The following PRICKLE2 variants were observed in gnomAD, a reference collection of about 807,000 sequenced individuals.
The protein encoded by PRICKLE2 is prickle planar cell polarity protein 2, also known as prickle-like protein 2.
Under a neutral mutation model 81.4 loss-of-function variants are expected in PRICKLE2, and 21 were observed. The ratio of observed to expected loss-of-function variants is 0.26; its 90% CI spans 0.18 to 0.37. PRICKLE2 has a LOEUF of 0.37. PRICKLE2 is among the 10% of genes least tolerant of loss of function. PRICKLE2 has a pLI of 1.00. For missense variants in PRICKLE2, 940 were observed against 1,109.0 expected (o/e 0.85, Z 2.16); for synonymous variants, 456 against 421.5 (o/e 1.08, Z -1.00).
intron 2 of PRICKLE2, among the ~76,000 whole-genome samples, chr3:64,197,427 T>C (rs2078476586): frequency 6.6e-6 from 1 of 152,204 alleles, no homozygotes; most frequent in African/African-American, 2.4e-5. Context: ...TTGCCCACTT[T>C]TTAATGGGAT....
chr3:64,265,893 G>A (rs1045033823), intron 2 of PRICKLE2, among the ~76,000 whole-genome samples: 1 of 152,158 alleles, frequency 6.6e-6, no homozygotes, highest in Non-Finnish European at 1.5e-5. Flanking sequence ...GTGGGGAAGT[G>A]GGCTCGATAA....
At chr3:64,192,838 C>G (rs532628692) in intron 2 of PRICKLE2, among the ~76,000 whole-genome samples, 3 of 152,170 alleles carry the variant, frequency 2.0e-5, no homozygotes, top group Non-Finnish European at 4.4e-5. Context: ...AATTACTAAC[C>G]TTTGGAGATA....
chr3:64,231,736 G>A (rs1307493192), intron 2 of PRICKLE2, among the ~76,000 whole-genome samples: 1 of 152,166 alleles, frequency 6.6e-6, no homozygotes, highest in East Asian at 1.9e-4. Context: ...GGACATACCA[G>A]ACATCTTGCA....
At chr3:64,215,018 C>T (rs2078850379) in intron 1 of PRICKLE2, among the ~76,000 whole-genome samples, 1 of 152,092 alleles carries the variant, frequency 6.6e-6, no homozygotes, top group African/African-American at 2.4e-5. Flanking sequence ...TAATTTCCTG[C>T]CTCCATGCCT....
intron 2 of PRICKLE2, among the ~76,000 whole-genome samples, chr3:64,238,555 C>A (rs2079216732): frequency 6.6e-6 from 1 of 151,312 alleles, no homozygotes; most frequent in Admixed American, 6.6e-5. Flanking sequence ...TTAGGGCTAA[C>A]ATGTAGGGGT....
chr3:64,108,961 C>T (rs186715399), intron 7 of PRICKLE2, among the ~76,000 whole-genome samples: 271 of 152,216 alleles, frequency 1.8e-3, no homozygotes, highest in African/African-American at 6.3e-3. Flanking sequence ...GTGACAGCCC[C>T]GAAATGTCTC....
Position 64,197,983 on chromosome 3 carries a change from G to A in PRICKLE2, c.144+801C>T, listed in dbSNP as rs558869573. Among the ~76,000 whole-genome samples, 5 of 152,086 alleles carry A rather than the reference G, an allele frequency of 3.3e-5. No homozygotes were observed. The South Asian group carries it at 8.3e-4, about 25-fold the overall frequency. On this transcript the variant is annotated intron_variant, in intron 2 of 7. Coordinates refer to ENST00000638394, the MANE Select transcript of PRICKLE2 (RefSeq NM_198859.4). ...TCCCAGCACTTTGGGAGGCCAACAC[G>A]GACGGATCACGAGGTCAGGAGATCG... is the stretch of plus-strand genomic sequence containing the variant.
At chr3:64,246,991 A>G (rs2079368584) in intron 2 of PRICKLE2, among the ~76,000 whole-genome samples, 1 of 152,202 alleles carries the variant, frequency 6.6e-6, no homozygotes, top group Non-Finnish European at 1.5e-5. Context: ...TACAGCCTCC[A>G]TGGTTCAATC....
At chr3:64,230,262 T>C (rs745943227), upstream of PRICKLE2, among the ~76,000 whole-genome samples, 1 of 152,180 alleles carries the variant, frequency 6.6e-6, no homozygotes, top group African/African-American at 2.4e-5. Context: ...CCATTTTAAT[T>C]TGTGCTATGT....
At chr3:64,119,336 T>C (rs945731514) in intron 7 of PRICKLE2, among the ~76,000 whole-genome samples, 1 of 152,190 alleles carries the variant, frequency 6.6e-6, no homozygotes, top group Non-Finnish European at 1.5e-5. Context: ...TTTACCTACA[T>C]AACAAATGTT....
intron 6 of PRICKLE2, among the ~76,000 whole-genome samples, chr3:64,149,656 G>T (rs1256571862): frequency 1.3e-5 from 2 of 152,196 alleles, no homozygotes; most frequent in Non-Finnish European, 2.9e-5. Flanking sequence ...AGAACTTCTG[G>T]AGACTTGTCT....
chr3:64,267,480 T>C (rs1286108090), intron 2 of PRICKLE2, among the ~76,000 whole-genome samples: 2 of 152,098 alleles, frequency 1.3e-5, no homozygotes, highest in Non-Finnish European at 2.9e-5. Context: ...CCTGGAGATG[T>C]TAAGAAATAT....
chr3:64,125,655 T>C (rs529032272), intron 7 of PRICKLE2, among the ~76,000 whole-genome samples: 12 of 152,358 alleles, frequency 7.9e-5, no homozygotes, highest in African/African-American at 2.9e-4. Context: ...TTTAAATTAA[T>C]GTACACTTTT....
intron 2 of PRICKLE2, among the ~76,000 whole-genome samples, chr3:64,248,624 A>G (rs1301591373): frequency 6.6e-6 from 1 of 151,764 alleles, no homozygotes; most frequent in East Asian, 1.9e-4. Context: ...CTTTCATTTG[A>G]TATCATATAT....
At position 64,092,542 on chromosome 3, in the gene PRICKLE2, G is replaced by A. The variant is rs1431176825; in HGVS notation, c.*6509C>T. 1.3e-5 allele frequency: 2 copies of A among 152,244 alleles called. No homozygotes were observed. Among genetic ancestry groups the A allele is most frequent in the African/African-American group, 4.8e-5 (2 of 41,450 alleles). 9.4% of individuals were successfully genotyped at this position (152,244 alleles called of 1,614,324 possible). ...TTATAGCATCCAGCAAGTCCCTAAT[G>A]TTGTGGATCAGACACGGGGAAATTG... On this transcript the variant is annotated 3_prime_UTR_variant, in exon 8 of 8. Transcript: ENST00000638394.
chr3:64,118,350 C>T (rs2076971750), intron 7 of PRICKLE2, among the ~76,000 whole-genome samples: 1 of 152,116 alleles, frequency 6.6e-6, no homozygotes, highest in Non-Finnish European at 1.5e-5. Context: ...CAAATGGGAT[C>T]TAATTAAACT....
intron 2 of PRICKLE2, among the ~76,000 whole-genome samples, chr3:64,250,728 T>C (rs542386154): frequency 6.6e-6 from 1 of 152,200 alleles, no homozygotes; most frequent in Non-Finnish European, 1.5e-5. Context: ...TGTATCACTG[T>C]AGTGCATGGA....
At position 64,225,268 on chromosome 3, in the gene PRICKLE2, C is replaced by T; in HGVS notation, c.-399G>A. The stretch of plus-strand genomic sequence containing the variant: ...GGACCCCCAGTTTCCTCTTAACTCC[C>T]CTTCTTCATGACAATCTGAAGGAAG... On this transcript the variant is annotated 5_prime_UTR_variant, in exon 1 of 8. Transcript: ENST00000638394. The T allele has an allele frequency of 1.0e-6, 1 of 985,524 alleles. No individual in the cohort carries two copies. Among genetic ancestry groups the T allele is most frequent in the Middle Eastern group, 5.2e-4 (1 of 1,914 alleles). 61.0% of individuals were successfully genotyped at this position (985,524 alleles called of 1,614,324 possible).
At chr3:64,126,997 A>G (rs1479073694) in intron 7 of PRICKLE2, among the ~76,000 whole-genome samples, 1 of 152,196 alleles carries the variant, frequency 6.6e-6, no homozygotes, top group African/African-American at 2.4e-5. Context: ...AATGCCTACT[A>G]TGCATCAGGC....
Sources: allele counts gnomAD v4.1 joint callset (sites outside exome capture counted in the v4.1 genomes callset), GRCh38; gene constraint gnomAD v4.1.1; transcripts MANE v1.5; gene names NCBI Gene and HGNC (gene_info 2026-07-23, HGNC 2026-07-21).